The following EVL variants were observed in gnomAD, a reference collection of about 807,000 sequenced individuals.
The protein encoded by EVL is ena/VASP-like protein.
Under a neutral mutation model 59.6 loss-of-function variants are expected in EVL, and 21 were observed. The observed-to-expected ratio is 0.35, with a 90% CI of 0.25 to 0.51. The LOEUF (loss-of-function observed/expected upper bound fraction) is 0.51, where lower values mean the gene tolerates loss of function less well. EVL is among the 20% of genes least tolerant of loss of function. EVL has a pLI of 0.97. For missense variants in EVL, 462 were observed against 546.6 expected (o/e 0.85, Z 1.54); for synonymous variants, 198 against 203.5 (o/e 0.97, Z 0.23).
At chr14:100,005,946 C>T (rs1020820795) in intron 1 of EVL, among the ~76,000 whole-genome samples, 5 of 148,120 alleles carry the variant, frequency 3.4e-5, no homozygotes, top group Admixed American at 2.0e-4. Context: ...GGCCGTGTGA[C>T]GTAAATAAAG....
intron 1 of EVL, chr14:99,975,012 CT>C (rs2060760346): frequency 6.6e-6 from 1 of 151,746 alleles, no homozygotes; most frequent in Non-Finnish European, 1.5e-5. Flanking sequence ...TGATGGGGAC[CT>C]ACTCCTTGGC....
intron 1 of EVL, among the ~76,000 whole-genome samples, chr14:100,045,817 G>T (rs553633673): frequency 6.6e-6 from 1 of 152,190 alleles, no homozygotes; most frequent in Non-Finnish European, 1.5e-5. Context: ...TGGGCAGAAT[G>T]AATTATGGAA....
chr14:100,009,106 C>T (rs759974484), intron 1 of EVL, among the ~76,000 whole-genome samples: 10 of 152,232 alleles, frequency 6.6e-5, no homozygotes, highest in Non-Finnish European at 1.5e-4. Flanking sequence ...ATGATTATAT[C>T]TGCCTTCCCT....
At chr14:99,993,825 G>C (rs1354223395) in intron 1 of EVL, among the ~76,000 whole-genome samples, 2 of 150,950 alleles carry the variant, frequency 1.3e-5, no homozygotes, top group African/African-American at 4.9e-5. Context: ...CCAAGTAGCT[G>C]GGATTACAGG....
intron 1 of EVL, among the ~76,000 whole-genome samples, 154 bp downstream of exon 1, chr14:100,065,665 C>G (rs1358586244): frequency 6.6e-6 from 1 of 152,188 alleles, no homozygotes; most frequent in Non-Finnish European, 1.5e-5. Flanking sequence ...TGAGGTTACA[C>G]AGCAGGTTAG....
At chr14:100,002,922 T>C (rs2060954826) in intron 1 of EVL, among the ~76,000 whole-genome samples, 1 of 152,240 alleles carries the variant, frequency 6.6e-6, no homozygotes, top group South Asian at 2.1e-4. Context: ...TTTTATAATC[T>C]ATAATATTTT....
intron 1 of EVL, among the ~76,000 whole-genome samples, chr14:100,073,320 C>CTTTT (rs368484673): frequency 7.3e-6 from 1 of 137,362 alleles, no homozygotes; most frequent in Non-Finnish European, 1.6e-5. Context: ...TTTCCTTTTT[C>CTTTT]TTTTTTTTTT....
chr14:100,015,143 A>G (rs2061040943), intron 1 of EVL, among the ~76,000 whole-genome samples: 1 of 152,210 alleles, frequency 6.6e-6, no homozygotes, highest in Admixed American at 6.5e-5. Context: ...TGTTGATTGT[A>G]AGGTCTCAAG....
rs1889368000 is a variant in EVL at position 100,143,929 on chromosome 14, T to C, written c.*191T>C. On this transcript the variant is annotated 3_prime_UTR_variant, in exon 14 of 14. Coordinates refer to ENST00000392920, the MANE Select transcript of EVL (RefSeq NM_016337.3). ...GTGCAACTCCTGGGTTTTTTTAGATTCTGCCTGACACGGAACACCAGGTCT... is the reference window on the plus strand; with the variant it reads ...GTGCAACTCCTGGGTTTTTTTAGATCCTGCCTGACACGGAACACCAGGTCT... 3.3e-6 allele frequency: 2 copies of C among 612,142 alleles called. No individual in the cohort carries two copies. Among genetic ancestry groups the C allele is most frequent in the Non-Finnish European group, 5.7e-6 (2 of 353,138 alleles). The allele number at this position is 612,142 out of a possible 1,614,324, so 37.9% of individuals were successfully genotyped here.
intron 8 of EVL, 111 bp from the exon 9 acceptor site, chr14:100,135,794 A>G (rs1214620968): frequency 3.3e-6 from 3 of 919,828 alleles, no homozygotes; most frequent in Non-Finnish European, 5.3e-6. Flanking sequence ...TAAAAGTCAT[A>G]TGTGTTCATT....
intron 1 of EVL, among the ~76,000 whole-genome samples, chr14:100,026,887 G>A (rs145503415): frequency 3.3e-5 from 5 of 152,218 alleles, no homozygotes; most frequent in Non-Finnish European, 7.4e-5. Flanking sequence ...TTGGATCCCC[G>A]GGGCCTGTTG....
chr14:100,116,139 A>T (rs1887328864), intron 3 of EVL, among the ~76,000 whole-genome samples: 1 of 152,188 alleles, frequency 6.6e-6, no homozygotes, highest in Non-Finnish European at 1.5e-5. Context: ...TGGTGATAGG[A>T]ATGGCACCTG....
intron 4 of EVL, among the ~76,000 whole-genome samples, chr14:100,124,982 CAAG>C (rs1288364345): frequency 2.0e-5 from 3 of 151,872 alleles, no homozygotes; most frequent in Non-Finnish European, 4.4e-5. Context: ...ACACCTGCTG[CAAG>C]ACGAGACCAC....
intron 6 of EVL, among the ~76,000 whole-genome samples, chr14:100,129,175 A>T (rs1178665631): frequency 6.6e-6 from 1 of 152,150 alleles, no homozygotes. Context: ...ACCCTTGCTC[A>T]TATGTTCTAG....
intron 1 of EVL, among the ~76,000 whole-genome samples, chr14:100,000,452 A>G (rs1263297698): frequency 6.8e-6 from 1 of 147,146 alleles, no homozygotes; most frequent in Non-Finnish European, 1.5e-5. Context: ...GGTTCAAACG[A>G]TTCTCCTGCC....
intron 4 of EVL, among the ~76,000 whole-genome samples, chr14:100,124,948 G>A (rs546324986): frequency 2.6e-5 from 4 of 151,570 alleles, no homozygotes; most frequent in East Asian, 3.9e-4. Flanking sequence ...GCCCCCAGAC[G>A]AGACCACGTA....
Position 100,132,797 on chromosome 14 carries a change from C to A in EVL, c.900+18C>A. 2 of 1,613,696 alleles carry A rather than the reference C, an allele frequency of 1.2e-6. No homozygotes were observed. Among genetic ancestry groups the A allele is most frequent in the Non-Finnish European group, 1.7e-6 (2 of 1,179,926 alleles). ...GCCAAATGGTGAGCAAGCAGCCCGC[C>A]CCACCCTCAGGCTCCCCACTGAGAT... On this transcript the variant is annotated intron_variant, in intron 8 of 13. Transcript: ENST00000392920.
rs2140163530 is a variant in EVL at position 99,972,154 on chromosome 14, T to C, written c.5+97T>C. The C allele has an allele frequency of 3.8e-6, 1 of 266,346 alleles. No homozygotes were observed. Among genetic ancestry groups the C allele is most frequent in the Non-Finnish European group, 7.1e-6 (1 of 140,362 alleles). The allele number at this position is 266,346 out of a possible 1,614,324, so 16.5% of individuals were successfully genotyped here. On this transcript the variant is annotated intron_variant, in intron 1 of 13. Coordinates refer to the EVL transcript ENST00000402714. This position sits in a 1 kb window ranked among gnomAD's most constrained non-coding sequence, Gnocchi z 4.4. ...GTGCCCCCGAGGGCGGGAGGGGGGC[T>C]CCACGGGCGCGGGGGCTTCCAGAGA...
chr14:100,111,690 A>G (rs1486047099), intron 3 of EVL, among the ~76,000 whole-genome samples: 28 of 152,202 alleles, frequency 1.8e-4, no homozygotes, highest in Non-Finnish European at 4.4e-5. Context: ...ACAGAAAGGA[A>G]CAAACCCCTT....
Sources: allele counts gnomAD v4.1 joint callset (sites outside exome capture counted in the v4.1 genomes callset), GRCh38; gene constraint gnomAD v4.1.1; non-coding constraint Gnocchi (gnomAD v3.1); transcripts MANE v1.5; gene names NCBI Gene and HGNC (gene_info 2026-07-23, HGNC 2026-07-21).